The following DPY19L1 variants were observed in gnomAD, a reference collection of about 807,000 sequenced individuals.
DPY19L1 encodes the protein protein C-mannosyl-transferase DPY19L1.
A neutral mutation model predicts 96.9 loss-of-function variants in DPY19L1; 35 were observed. That is an observed-to-expected ratio of 0.36 (90% CI 0.28 to 0.48). The LOEUF (loss-of-function observed/expected upper bound fraction) is 0.48. DPY19L1 is among the 20% of genes least tolerant of loss of function. DPY19L1 has a pLI of 0.99. For missense variants in DPY19L1, 521 were observed against 777.9 expected (o/e 0.67, Z 3.93); for synonymous variants, 205 against 252.6 (o/e 0.81, Z 1.79).
At chr7:35,011,280 TTTA>T in intron 5 of DPY19L1, 47 bp downstream of exon 5, 1 of 1,592,776 alleles carries the variant, frequency 6.3e-7, no homozygotes, top group Non-Finnish European at 8.6e-7. Context: ...GCTAGATAAG[TTTA>T]TTATGTTACA....
At chr7:35,016,535 C>T (rs1244389854) in intron 3 of DPY19L1, among the ~76,000 whole-genome samples, 4 of 151,852 alleles carry the variant, frequency 2.6e-5, no homozygotes, top group Admixed American at 2.6e-4. Context: ...CTAATAAGTG[C>T]AAAGAAAAAA....
At chr7:35,010,215 G>A (rs954420583) in intron 6 of DPY19L1, among the ~76,000 whole-genome samples, 24 of 152,034 alleles carry the variant, frequency 1.6e-4, no homozygotes, top group African/African-American at 5.3e-4. Context: ...GGGTGACAGA[G>A]TGAGACCCTG....
intron 6 of DPY19L1, among the ~76,000 whole-genome samples, chr7:35,007,068 A>G (rs1220325056): frequency 1.3e-5 from 2 of 152,172 alleles, no homozygotes; most frequent in African/African-American, 2.4e-5. Context: ...AGGGTGACTA[A>G]CCATCAAGGA....
intron 6 of DPY19L1, among the ~76,000 whole-genome samples, chr7:35,001,647 C>G (rs535666824): frequency 6.6e-6 from 1 of 152,298 alleles, no homozygotes; most frequent in South Asian, 2.1e-4. Context: ...CTGGCAGTCA[C>G]TCTAAGTTCT....
chr7:35,002,480 A>G (rs1161004537), intron 6 of DPY19L1, among the ~76,000 whole-genome samples: 7 of 152,170 alleles, frequency 4.6e-5, no homozygotes, highest in Non-Finnish European at 7.4e-5. Flanking sequence ...CATCCAAACA[A>G]AAGTTCTGAA....
chr7:34,931,843 A>G (rs1352906821), intron 21 of DPY19L1, 114 bp from the exon 22 acceptor site: 3 of 1,408,496 alleles, frequency 2.1e-6, no homozygotes, highest in Non-Finnish European at 1.9e-6. Flanking sequence ...AAATTACTTT[A>G]GTTTTTAAAC....
intron 14 of DPY19L1, among the ~76,000 whole-genome samples, chr7:34,947,942 G>A (rs1378506095): frequency 6.6e-6 from 1 of 152,154 alleles, no homozygotes; most frequent in African/African-American, 2.4e-5. Flanking sequence ...TGTCACTGAA[G>A]AGATTACTGC....
At chr7:34,979,044 A>G (rs1038300387) in intron 7 of DPY19L1, among the ~76,000 whole-genome samples, 3 of 152,130 alleles carry the variant, frequency 2.0e-5, no homozygotes, top group Admixed American at 2.0e-4. Flanking sequence ...CTATCTTTAT[A>G]AAGAATTTCA....
intron 13 of DPY19L1, among the ~76,000 whole-genome samples, chr7:34,950,913 T>C (rs982918237): frequency 6.6e-6 from 1 of 152,136 alleles, no homozygotes; most frequent in East Asian, 1.9e-4. Context: ...AAAAATCTAA[T>C]ATTATATTGT....
At chr7:35,010,796 G>A (rs1242851279) in intron 5 of DPY19L1, among the ~76,000 whole-genome samples, 1 of 152,168 alleles carries the variant, frequency 6.6e-6, no homozygotes, top group East Asian at 1.9e-4. Flanking sequence ...CTCCTCTGGA[G>A]GTATGGGGTC....
intron 6 of DPY19L1, among the ~76,000 whole-genome samples, chr7:35,003,960 A>AG (rs1321536682): frequency 6.6e-6 from 1 of 152,140 alleles, no homozygotes; most frequent in East Asian, 1.9e-4. Context: ...CCTGGCGGAG[A>AG]GGGGCTCCTT....
chr7:35,018,631 G>A, intron 1 of DPY19L1, 35 bp from the exon 2 acceptor site: 1 of 1,575,478 alleles, frequency 6.3e-7, no homozygotes. Flanking sequence ...TAGAATTTTA[G>A]CATAAACATG....
intron 1 of DPY19L1, among the ~76,000 whole-genome samples, chr7:35,022,978 C>A (rs537368697): frequency 1.3e-5 from 2 of 152,300 alleles, no homozygotes; most frequent in Admixed American, 1.3e-4. Context: ...AGCCGGCCTG[C>A]TCCCTGTGGC....
chr7:35,036,502 G>C (rs1786404038), intron 1 of DPY19L1, among the ~76,000 whole-genome samples: 1 of 151,710 alleles, frequency 6.6e-6, no homozygotes, highest in African/African-American at 2.4e-5. Flanking sequence ...AAGGTTCCAA[G>C]GGCAGCAGGG....
At chr7:34,993,629 T>C (rs1037059886) in intron 6 of DPY19L1, among the ~76,000 whole-genome samples, 2 of 114,950 alleles carry the variant, frequency 1.7e-5, no homozygotes, top group Admixed American at 9.9e-5. Context: ...CAAGAAAAAA[T>C]TGTCAGACTT....
intron 8 of DPY19L1, 24 bp from the exon 9 acceptor site, chr7:34,969,556 A>C: frequency 7.2e-7 from 1 of 1,388,112 alleles, no homozygotes; most frequent in Non-Finnish European, 9.7e-7. Flanking sequence ...AATAAGTGTT[A>C]GTAAGTTTAA....
intron 16 of DPY19L1, among the ~76,000 whole-genome samples, chr7:34,944,143 T>C (rs1021969219): frequency 6.6e-6 from 1 of 151,964 alleles, no homozygotes; most frequent in African/African-American, 2.4e-5. Flanking sequence ...GGCAGGCAGA[T>C]CACGAGTTCA....
intron 6 of DPY19L1, among the ~76,000 whole-genome samples, chr7:35,006,064 T>A (rs1785548456): frequency 6.6e-6 from 1 of 152,178 alleles, no homozygotes. Context: ...TTATTTCAGC[T>A]AGTCAGAGTA....
chr7:34,936,927 T>C (rs913833047), intron 21 of DPY19L1, among the ~76,000 whole-genome samples: 25 of 152,242 alleles, frequency 1.6e-4, no homozygotes, highest in Admixed American at 3.3e-4. Context: ...GCCACAAATA[T>C]AGCAATCTCT....
Sources: allele counts gnomAD v4.1 joint callset (sites outside exome capture counted in the v4.1 genomes callset), GRCh38; gene constraint gnomAD v4.1.1; transcripts MANE v1.5; gene names NCBI Gene and HGNC (gene_info 2026-07-23, HGNC 2026-07-21).